Variants in ITGBL1 observed in about 807,000 individuals in gnomAD.
ITGBL1 encodes integrin subunit beta like 1.
Under a neutral mutation model 68.5 loss-of-function variants are expected in ITGBL1, and 51 were observed. The ratio of observed to expected loss-of-function variants is 0.74; its 90% CI spans 0.59 to 0.94. ITGBL1 has a LOEUF of 0.94. ITGBL1 is among the 40% of genes least tolerant of loss of function. The pLI is 0.00. For missense variants in ITGBL1, 649 were observed against 647.4 expected (o/e 1.00, Z -0.03); for synonymous variants, 209 against 227.3 (o/e 0.92, Z 0.72).
chr13:101,633,041 T>A (rs1462176206), intron 7 of ITGBL1, among the ~76,000 whole-genome samples: 1 of 152,216 alleles, frequency 6.6e-6, no homozygotes, highest in East Asian at 1.9e-4. Context: ...CTGGCACTGC[T>A]GGTCCAGGAT....
At chr13:101,710,343 C>T (rs1232710514) in intron 9 of ITGBL1, among the ~76,000 whole-genome samples, 1 of 152,076 alleles carries the variant, frequency 6.6e-6, no homozygotes, top group East Asian at 1.9e-4. Flanking sequence ...GCTGGATTAT[C>T]GATGACGAAA....
chr13:101,498,142 A>T (rs1225576387), intron 2 of ITGBL1, among the ~76,000 whole-genome samples: 1 of 151,694 alleles, frequency 6.6e-6, no homozygotes, highest in Non-Finnish European at 1.5e-5. Flanking sequence ...TCTTTTTTTT[A>T]AATTTTGTAC....
chr13:101,574,095 A>T (rs2050315825), intron 3 of ITGBL1, among the ~76,000 whole-genome samples: 1 of 152,172 alleles, frequency 6.6e-6, no homozygotes, highest in Admixed American at 6.6e-5. Context: ...TGACAACCAG[A>T]GTAATCTGGT....
chr13:101,605,838 G>A (rs1055607595), intron 7 of ITGBL1, among the ~76,000 whole-genome samples: 26 of 149,236 alleles, frequency 1.7e-4, no homozygotes, highest in Non-Finnish European at 3.1e-4. Context: ...GTATATATAT[G>A]CATATACATA....
At chr13:101,493,418 A>T (rs1159547279) in intron 2 of ITGBL1, among the ~76,000 whole-genome samples, 1 of 152,048 alleles carries the variant, frequency 6.6e-6, no homozygotes, top group Non-Finnish European at 1.5e-5. Context: ...ACGATTCTCA[A>T]TATTGCAGTA....
chr13:101,590,210 TCTGC>T (rs1301151004), intron 6 of ITGBL1, among the ~76,000 whole-genome samples: 1 of 152,180 alleles, frequency 6.6e-6, no homozygotes, highest in East Asian at 1.9e-4. Context: ...TTGAATAACT[TCTGC>T]CTTTAGGATT....
intron 2 of ITGBL1, among the ~76,000 whole-genome samples, chr13:101,517,478 ATGAC>A (rs2049214148): frequency 6.6e-6 from 1 of 152,206 alleles, no homozygotes; most frequent in South Asian, 2.1e-4. Flanking sequence ...ATTAATCAGA[ATGAC>A]TGGGATTCAA....
intron 2 of ITGBL1, among the ~76,000 whole-genome samples, chr13:101,556,613 CAA>C (rs988205626): frequency 6.6e-6 from 1 of 151,500 alleles, no homozygotes; most frequent in African/African-American, 2.4e-5. Flanking sequence ...GCCTGGGCAA[CAA>C]GAGGGAAATT....
intron 3 of ITGBL1, among the ~76,000 whole-genome samples, chr13:101,568,947 A>G (rs544630593): frequency 1.3e-5 from 2 of 151,858 alleles, no homozygotes; most frequent in African/African-American, 2.4e-5. Context: ...TGTTCTCATC[A>G]TATTTCTCTA....
At chr13:101,583,152 G>A in intron 5 of ITGBL1, 64 bp from the exon 6 acceptor site, 1 of 1,484,152 alleles carries the variant, frequency 6.7e-7, no homozygotes, top group Non-Finnish European at 9.4e-7. Context: ...TAAGCGATAT[G>A]TGAAATGCTT....
chr13:101,604,051 A>G (rs1229831257), intron 7 of ITGBL1, among the ~76,000 whole-genome samples: 1 of 152,010 alleles, frequency 6.6e-6, no homozygotes, highest in East Asian at 1.9e-4. Context: ...AACAAAATGT[A>G]TACTTTTAAC....
intron 10 of ITGBL1, 136 bp downstream of exon 10, chr13:101,714,687 G>T: frequency 1.6e-6 from 1 of 628,232 alleles, no homozygotes; most frequent in Non-Finnish European, 2.9e-6. Flanking sequence ...AAGGCGAAGT[G>T]GGCATTTGGG....
intron 2 of ITGBL1, among the ~76,000 whole-genome samples, chr13:101,505,037 G>A (rs373563772): frequency 7.2e-5 from 11 of 152,258 alleles, no homozygotes; most frequent in Admixed American, 3.9e-4. Context: ...TTGGGTGTTC[G>A]TGTTGTGCTT....
chr13:101,608,316 T>A (rs1360595898), intron 7 of ITGBL1, among the ~76,000 whole-genome samples: 3 of 151,968 alleles, frequency 2.0e-5, no homozygotes, highest in Admixed American at 6.6e-5. Context: ...GGAAAGCCCA[T>A]CTTTAATTTC....
intron 2 of ITGBL1, among the ~76,000 whole-genome samples, chr13:101,458,438 A>T (rs2048273818): frequency 6.6e-6 from 1 of 152,244 alleles, no homozygotes; most frequent in South Asian, 2.1e-4. Context: ...AAGTAATAAA[A>T]GATATGTTGA....
chr13:101,485,092 T>C (rs1353021899), intron 2 of ITGBL1, among the ~76,000 whole-genome samples: 1 of 152,190 alleles, frequency 6.6e-6, no homozygotes, highest in Non-Finnish European at 1.5e-5. Context: ...AGAAAAAATG[T>C]AAACCTAGAA....
chr13:101,638,982 CAACT>C (rs1468384154), intron 7 of ITGBL1, among the ~76,000 whole-genome samples: 3 of 151,974 alleles, frequency 2.0e-5, no homozygotes, highest in Non-Finnish European at 4.4e-5. Context: ...TAAAAAGTAA[CAACT>C]AACAAACTAA....
intron 6 of ITGBL1, 118 bp from the exon 7 acceptor site, chr13:101,598,035 T>C (rs2030091403): frequency 1.1e-6 from 1 of 914,166 alleles, no homozygotes; most frequent in South Asian, 1.9e-5. Flanking sequence ...CCTTAATATG[T>C]TATATTATGT....
chr13:101,683,460 G>A (rs112161871), intron 7 of ITGBL1, among the ~76,000 whole-genome samples: 1,822 of 152,122 alleles, frequency 0.012, 15 homozygotes, highest in Non-Finnish European at 0.018. Context: ...TAGCTGATAT[G>A]TAAGTATTCC....
Sources: gnomAD v4.1 joint callset for allele counts (sites outside exome capture counted in the v4.1 genomes callset) on GRCh38, gnomAD v4.1.1 for gene constraint, MANE v1.5 for transcripts, NCBI Gene and HGNC (gene_info 2026-07-23, HGNC 2026-07-21) for gene names.